Variants in NAP1L4 observed in about 807,000 individuals in gnomAD.
The protein encoded by NAP1L4 is nucleosome assembly protein 1 like 4.
NAP1L4 carries 15 observed loss-of-function variants against 58.2 expected under a neutral mutation model. The ratio of observed to expected loss-of-function variants is 0.26; its 90% CI spans 0.17 to 0.40. The LOEUF is 0.40. Ranked by LOEUF, NAP1L4 falls within the 10% of genes least tolerant of loss-of-function variation. The probability of loss-of-function intolerance (pLI) is 1.00; values close to 1 mark genes in which losing one functional copy is unlikely to be tolerated. For missense variants in NAP1L4, 384 were observed against 451.1 expected, an observed-to-expected ratio of 0.85 and a Z score of 1.35; for synonymous variants, 171 against 155.6, an observed-to-expected ratio of 1.10 and a Z score of -0.74.
chr11:2,954,363 A>T lies in NAP1L4; in HGVS notation c.1035+164T>A, dbSNP rs931782540. 1 of 1,027,524 alleles carries T rather than the reference A, an allele frequency of 9.7e-7. No individual in the cohort carries two copies. Among genetic ancestry groups the T allele is most frequent in the Admixed American group, 2.0e-5 (1 of 49,458 alleles). The allele number at this position is 1,027,524 out of a possible 1,614,324, so 63.7% of individuals were successfully genotyped here. A position where few individuals can be genotyped will look rare whatever the true frequency, so the allele number is the denominator to read the frequency against. ...CTGTTCCTCAGACTTCTCCTCTTCA[A>T]GCGTATTCCCCCCACAACAAGGACA... On this transcript the variant is annotated intron_variant, in intron 12 of 15. Coordinates refer to ENST00000380542, the MANE Select transcript of NAP1L4 (RefSeq NM_005969.4). The surrounding 1 kb of genome is among the most constrained non-coding windows in gnomAD (Gnocchi z 4.8).
chr11:2,963,132 GGAA>G (rs1241857483), intron 8 of NAP1L4, among the ~76,000 whole-genome samples: 1 of 144,104 alleles, frequency 6.9e-6, no homozygotes, highest in African/African-American at 2.6e-5. Flanking sequence ...AGAAAAAAAA[GGAA>G]GAAAAGAAAA....
chr11:2,954,420 T>C lies in NAP1L4; in HGVS notation c.1035+107A>G. ...TGGACTACATATCTGGCTGATGATG[T>C]AATAAAAAGATTAGGCATGGGGGTT... On this transcript the variant is annotated intron_variant, in intron 12 of 15. Coordinates refer to ENST00000380542, the MANE Select transcript of NAP1L4 (RefSeq NM_005969.4). The surrounding 1 kb of genome is among the most constrained non-coding windows in gnomAD (Gnocchi z 4.8). The C allele has an allele frequency of 1.3e-6, 2 of 1,500,566 alleles. No individual in the cohort carries two copies. Among genetic ancestry groups the C allele is most frequent in the South Asian group, 1.1e-5 (1 of 87,500 alleles). 93.0% of individuals were successfully genotyped at this position (1,500,566 alleles called of 1,614,324 possible).
At position 2,955,642 on chromosome 11, in the gene NAP1L4, C is replaced by T; in HGVS notation, c.915+102G>A. On this transcript the variant is annotated intron_variant, in intron 11 of 15. Transcript: ENST00000380542. The surrounding 1 kb of genome is among the most constrained non-coding windows in gnomAD (Gnocchi z 4.2). The stretch of plus-strand genomic sequence containing the variant: ...ATTAAGATCACTGGCATACCCAGTC[C>T]ACACACAGCCAGGACTGGACTTTTT... 2 of 1,170,354 alleles carry T rather than the reference C, an allele frequency of 1.7e-6. No homozygotes were observed. 72.5% of individuals were successfully genotyped at this position (1,170,354 alleles called of 1,614,324 possible). A position where few individuals can be genotyped will look rare whatever the true frequency, so the allele number is the denominator to read the frequency against.
chr11:2,973,187 A>T (rs1847752747), intron 4 of NAP1L4, among the ~76,000 whole-genome samples: 1 of 152,254 alleles, frequency 6.6e-6, no homozygotes, highest in Non-Finnish European at 1.5e-5. Flanking sequence ...GACCACAGGC[A>T]ACACAACTTT....
intron 2 of NAP1L4, 117 bp downstream of exon 2, chr11:2,979,090 T>A: frequency 9.6e-7 from 1 of 1,046,896 alleles, no homozygotes; most frequent in Non-Finnish European, 1.4e-6. Context: ...AAATGAGCCA[T>A]CAGCTAGACG....
At chr11:2,945,671 G>T (rs1032962675) in intron 15 of NAP1L4, 25 bp from the exon 16 acceptor site, 21 of 1,533,426 alleles carry the variant, frequency 1.4e-5, no homozygotes, top group Non-Finnish European at 1.7e-5. Flanking sequence ...GACAAGGCTT[G>T]TAGAGAGCAA....
chr11:2,952,235 T>A (rs530975955), intron 12 of NAP1L4: 25 of 184,792 alleles, frequency 1.4e-4, no homozygotes, highest in Middle Eastern at 2.2e-3. Flanking sequence ...GGTATCATTT[T>A]ACATCTCATA....
At chr11:2,968,783 A>T (rs1369080632) in intron 7 of NAP1L4, among the ~76,000 whole-genome samples, 2 of 152,194 alleles carry the variant, frequency 1.3e-5, no homozygotes, top group Non-Finnish European at 2.9e-5. Flanking sequence ...GTTTCTGGGG[A>T]CGCTGGAGCA....
At chr11:2,947,691 T>C (rs927829894) in intron 15 of NAP1L4, among the ~76,000 whole-genome samples, 2 of 151,722 alleles carry the variant, frequency 1.3e-5, no homozygotes, top group South Asian at 2.1e-4. Flanking sequence ...TTAATGATGG[T>C]TGAGTCATTA....
rs746630010 is a variant in NAP1L4 at position 2,958,561 on chromosome 11, G to A, written c.747-17C>T. On this transcript the variant is annotated splice_polypyrimidine_tract_variant and intron_variant, in intron 9 of 15. Coordinates refer to ENST00000380542, the MANE Select transcript of NAP1L4 (RefSeq NM_005969.4). ...ATAGTACACCTACCAGGACAAGACA[G>A]CTGTCAGGAACACACAATCCATGAG... 3 of 1,608,690 alleles carry A rather than the reference G, an allele frequency of 1.9e-6. No homozygotes were observed. Among genetic ancestry groups the A allele is most frequent in the Admixed American group, 1.7e-5 (1 of 58,760 alleles).
At chr11:2,980,143 G>C (rs995283676) in intron 1 of NAP1L4, among the ~76,000 whole-genome samples, 1 of 152,118 alleles carries the variant, frequency 6.6e-6, no homozygotes, top group Non-Finnish European at 1.5e-5. Flanking sequence ...GTGTGTTCTA[G>C]GGCATTTACT....
rs1028750062 is a variant in NAP1L4, at chr11:2,990,875, T to G, written c.-18+1379A>C. 28 of 331,100 alleles carry G rather than the reference T, an allele frequency of 8.5e-5. No homozygotes were observed. In the East Asian group the frequency reaches 1.7e-3, roughly 20 times the overall value. The allele number at this position is 331,100 out of a possible 1,614,324, so 20.5% of individuals were successfully genotyped here. On this transcript the variant is annotated intron_variant, in intron 1 of 15. Coordinates refer to ENST00000380542, the MANE Select transcript of NAP1L4 (RefSeq NM_005969.4). ...ATTAGTCATTTAGAGGTATAGTTAC[T>G]ATTACAGGAAGGTAGTAACTTAGAA...
At chr11:2,958,703 T>G (rs560252520) in intron 9 of NAP1L4, 159 bp from the exon 10 acceptor site, 79 of 704,146 alleles carry the variant, frequency 1.1e-4, no homozygotes, top group Non-Finnish European at 1.7e-4. Context: ...CATCTGGAGG[T>G]TGGCAAAAAG....
Position 2,959,043 on chromosome 11 carries a change from T to C in NAP1L4, c.747-499A>G, listed in dbSNP as rs922185793. 4.3e-5 allele frequency: 7 copies of C among 162,530 alleles called. No individual in the cohort carries two copies. The highest frequency in any genetic ancestry group is 6.8e-5 in the Non-Finnish European group (5 of 73,584). The allele number at this position is 162,530 out of a possible 1,614,324, so 10.1% of individuals were successfully genotyped here. A position where few individuals can be genotyped will look rare whatever the true frequency, so the allele number is the denominator to read the frequency against. On this transcript the variant is annotated intron_variant, in intron 9 of 15. Coordinates refer to ENST00000380542, the MANE Select transcript of NAP1L4 (RefSeq NM_005969.4). The surrounding 1 kb of genome is among the most constrained non-coding windows in gnomAD (Gnocchi z 4.9). ...ACAGCACGCTCTCTCTAACACACAA[T>C]CACCACAGACCCAGGCAACACCTGG... is the stretch of plus-strand genomic sequence containing the variant.
intron 6 of NAP1L4, among the ~76,000 whole-genome samples, chr11:2,970,866 A>AC (rs1847601327): frequency 6.6e-6 from 1 of 151,530 alleles, no homozygotes; most frequent in Non-Finnish European, 1.5e-5. Flanking sequence ...CCCAAAAAAA[A>AC]AACTGCAAAA....
chr11:2,975,326 A>G (rs142917673), intron 4 of NAP1L4, among the ~76,000 whole-genome samples: 1 of 152,200 alleles, frequency 6.6e-6, no homozygotes, highest in East Asian at 1.9e-4. Context: ...AAAACCAAAA[A>G]TTCCTTCCAG....
chr11:2,982,864 T>C (rs2855569), intron 1 of NAP1L4, among the ~76,000 whole-genome samples: 1 of 151,906 alleles, frequency 6.6e-6, no homozygotes, highest in Non-Finnish European at 1.5e-5. Context: ...CTACTAAAAA[T>C]ACAAAAATTA....
In NAP1L4 at chr11:2,948,021, G is replaced by A. The variant is rs140722913; in HGVS notation, c.*32+1206C>T. Among the ~76,000 whole-genome samples, 45 of 150,978 alleles carry A rather than the reference G, an allele frequency of 3.0e-4. No individual in the cohort carries two copies. Among genetic ancestry groups the A allele is most frequent in the Admixed American group, 2.2e-3 (34 of 15,122 alleles). The stretch of plus-strand genomic sequence containing the variant: ...GAAATACGGATAGGTGGCACGCATC[G>A]AGGATTCTCTTCAAAAGAGCTGGTG... On this transcript the variant is annotated intron_variant, in intron 15 of 15. Transcript: ENST00000380542. The surrounding 1 kb of genome is among the most constrained non-coding windows in gnomAD (Gnocchi z 5.1).
chr11:2,982,810 G>C (rs1848404577), intron 1 of NAP1L4, among the ~76,000 whole-genome samples: 1 of 152,044 alleles, frequency 6.6e-6, no homozygotes, highest in Non-Finnish European at 1.5e-5. Flanking sequence ...ATCACGACGT[G>C]AGGAGTTCAA....
Sources: allele counts gnomAD v4.1 joint callset (sites outside exome capture counted in the v4.1 genomes callset), GRCh38; gene constraint gnomAD v4.1.1; non-coding constraint Gnocchi (gnomAD v3.1); transcripts MANE v1.5; gene names NCBI Gene and HGNC (gene_info 2026-07-23, HGNC 2026-07-21).